Variants in HERC1 observed in about 807,000 individuals in gnomAD.
The protein encoded by HERC1 is HECT and RLD domain containing E3 ubiquitin protein ligase family member 1.
In HERC1, 160 loss-of-function variants were observed where a neutral mutation model predicts 554.3. The observed-to-expected ratio is 0.29, with a 90% CI of 0.25 to 0.33. The LOEUF is 0.33. Among genes scored for constraint, HERC1 ranks in the 10% least tolerant of loss-of-function variants. HERC1 has a pLI of 1.00. For synonymous variants in HERC1, 2,175 were observed against 2,131.7 expected (o/e 1.02, Z -0.56); for missense variants, 4,919 against 5,918.5 (o/e 0.83, Z 5.54).
At chr15:63,751,666 C>T (rs1235865260) in intron 8 of HERC1, among the ~76,000 whole-genome samples, 2 of 152,068 alleles carry the variant, frequency 1.3e-5, no homozygotes, top group Non-Finnish European at 2.9e-5. Context: ...TTATTTCATG[C>T]TCAAGTTTAA....
At chr15:63,658,225 C>T (rs1049871169) in intron 48 of HERC1, among the ~76,000 whole-genome samples, 2 of 152,156 alleles carry the variant, frequency 1.3e-5, no homozygotes, top group South Asian at 2.1e-4. Flanking sequence ...GCTACACAGA[C>T]GGTCAATACA....
intron 25 of HERC1, 142 bp from the exon 26 acceptor site, chr15:63,699,138 A>C: frequency 1.5e-6 from 1 of 681,364 alleles, no homozygotes; most frequent in South Asian, 2.4e-5. Flanking sequence ...GCATTAAGTG[A>C]ATCTGAGCAA....
intron 1 of HERC1, among the ~76,000 whole-genome samples, chr15:63,832,620 C>T (rs1475728867): frequency 6.6e-6 from 1 of 152,116 alleles, no homozygotes; most frequent in Non-Finnish European, 1.5e-5. Context: ...TAGACCCAAA[C>T]AGACAATGTT....
chr15:63,818,527 C>A (rs1396446242), intron 1 of HERC1, among the ~76,000 whole-genome samples: 2 of 152,144 alleles, frequency 1.3e-5, no homozygotes, highest in Non-Finnish European at 2.9e-5. Flanking sequence ...AAAATATTCA[C>A]CAATTTCTTA....
In HERC1 at chr15:63,702,843, C is replaced by T. The variant is rs534249576; in HGVS notation, c.4637-3847G>A. On this transcript the variant is annotated intron_variant, in intron 25 of 77. Transcript: ENST00000443617. ...TTAGCTGGCCGGGCATGGTGGCTCA[C>T]GCCTGTAATCCCAGTACTTTGGGAG... Among the ~76,000 whole-genome samples the T allele has an allele frequency of 9.9e-5, 15 of 152,230 alleles. No homozygotes were observed. In the East Asian group the frequency reaches 1.9e-3, roughly 20 times the overall value.
In HERC1 at chr15:63,674,482, T is replaced by C. The variant is rs766415080; in HGVS notation, c.7706A>G (p.His2569Arg). The change falls in exon 38 of 78, where the codon CAC becomes CGC. Residue 2569 changes from histidine to arginine, a missense_variant. This residue lies in a region of HERC1 where 1,963 missense variants were observed against 2,228.6 expected (regional missense o/e 0.88). Transcript: ENST00000443617. ...MRAALQFLMR[H>R]MVKRAVMRSP... ...CCGCATGACTGCTCGCTTCACCATGTGTCGCATCAAGAACTGCAGGGCTGC... is the reference window on the plus strand; with the variant it reads ...CCGCATGACTGCTCGCTTCACCATGCGTCGCATCAAGAACTGCAGGGCTGC... 12 of 1,613,926 alleles carry C rather than the reference T, an allele frequency of 7.4e-6. No homozygotes were observed. The South Asian group carries it at 1.3e-4, about 18-fold the overall frequency.
intron 50 of HERC1, among the ~76,000 whole-genome samples, chr15:63,655,207 A>G: frequency 6.6e-6 from 1 of 152,038 alleles, no homozygotes; most frequent in East Asian, 1.9e-4. Flanking sequence ...TAGAAAAATT[A>G]GCCGGGCATG....
At chr15:63,719,871 G>A (rs1462169914) in intron 19 of HERC1, among the ~76,000 whole-genome samples, 1 of 152,094 alleles carries the variant, frequency 6.6e-6, no homozygotes, top group Non-Finnish European at 1.5e-5. Context: ...CTGGAATCAG[G>A]AGTCTAGTTT....
chr15:63,662,054 T>G lies in HERC1; in HGVS notation c.8902-33A>C, dbSNP rs748493004. 2.5e-6 allele frequency: 4 copies of G among 1,592,036 alleles called. No individual in the cohort carries two copies. In the Admixed American group the frequency reaches 6.8e-5, roughly 27 times the overall value. On this transcript the variant is annotated intron_variant, in intron 44 of 77. Transcript: ENST00000443617. ...AAAGGATTTCATACCAAATGATTAGTCAATTTAACATAAAACCAAGAAGTA... is the reference window on the plus strand; with the variant it reads ...AAAGGATTTCATACCAAATGATTAGGCAATTTAACATAAAACCAAGAAGTA...
chr15:63,774,482 C>T (rs1316294089), intron 2 of HERC1, among the ~76,000 whole-genome samples: 1 of 152,098 alleles, frequency 6.6e-6, no homozygotes, highest in African/African-American at 2.4e-5. Flanking sequence ...AACTATAAAC[C>T]TGACTTCTGA....
rs147588494 is a variant in HERC1, at chr15:63,694,467, G to A, written c.5325C>T (p.Ser1775=). The A allele has an allele frequency of 5.2e-4, 841 of 1,613,950 alleles. 1 individual carries two copies. The highest frequency in any genetic ancestry group is 6.7e-4 in the Non-Finnish European group (794 of 1,179,874). ...YQPVDVSLAI[S]TGLLNVLSQL... is the part of the protein sequence containing the mutation. The stretch of plus-strand genomic sequence containing the variant: ...GTGACAATACGTTTAGCAGACCAGT[G>A]GAAATTGCCAAAGAAACATCTACTG... The change falls in exon 29 of 78, where the codon TCC becomes TCT. Residue 1775 remains serine (S), a synonymous_variant. Coordinates refer to ENST00000443617, the MANE Select transcript of HERC1 (RefSeq NM_003922.4). This position sits in a 1 kb window ranked among gnomAD's most constrained non-coding sequence, Gnocchi z 4.3.
At chr15:63,725,539 T>C (rs897879362) in intron 17 of HERC1, 26 bp from the exon 18 acceptor site, 2 of 1,562,322 alleles carry the variant, frequency 1.3e-6, no homozygotes, top group Non-Finnish European at 1.8e-6. Context: ...TTAGTTATTG[T>C]GTCTTTATCT....
intron 25 of HERC1, among the ~76,000 whole-genome samples, chr15:63,699,668 A>C (rs1228482310): frequency 6.6e-6 from 1 of 152,246 alleles, no homozygotes; most frequent in East Asian, 1.9e-4. Context: ...ATTTACTGTA[A>C]AATGATACCT....
chr15:63,771,376 A>C (rs1441443911), intron 2 of HERC1, among the ~76,000 whole-genome samples: 1 of 152,110 alleles, frequency 6.6e-6, no homozygotes, highest in African/African-American at 2.4e-5. Context: ...TTGAGACCTA[A>C]ATTAAGTCAA....
In HERC1 at chr15:63,728,941, A is replaced by T. The variant is rs884495; in HGVS notation, c.3154+295T>A. On this transcript the variant is annotated intron_variant, in intron 16 of 77. Coordinates refer to ENST00000443617, the MANE Select transcript of HERC1 (RefSeq NM_003922.4). ...AAAGGTAAAGAAAGAGCAGGTTTTA[A>T]AAAAAAAAAAAAAGAGCAGATTAAA... Among the ~76,000 whole-genome samples, 800 of 138,922 alleles carry T rather than the reference A, an allele frequency of 5.8e-3. 3 individuals are homozygous for T. The highest frequency in any genetic ancestry group is 0.012 in the Middle Eastern group (3 of 254). The allele number at this position is 138,922 out of a possible 152,430, so 91.1% of individuals were successfully genotyped here.
rs749184119 is a variant in HERC1, at chr15:63,748,932, C to T, written c.2219+435G>A. On this transcript the variant is annotated intron_variant, in intron 10 of 77. Transcript: ENST00000443617. Reference sequence around the variant, plus strand: ...CTAAGTTTCTGCAAAAATTAACCTCCTTGATTTAAAGTATGACAATTTTTT... The same window carrying T: ...CTAAGTTTCTGCAAAAATTAACCTCTTTGATTTAAAGTATGACAATTTTTT... 2.7e-5 allele frequency among the ~76,000 whole-genome samples: 4 copies of T among 147,918 alleles called. No individual in the cohort carries two copies. In the South Asian group the frequency reaches 6.4e-4, roughly 24 times the overall value.
At chr15:63,708,753 T>A (rs866942354) in intron 24 of HERC1, among the ~76,000 whole-genome samples, 3 of 152,354 alleles carry the variant, frequency 2.0e-5, no homozygotes, top group African/African-American at 4.8e-5. Flanking sequence ...ATCAAAGATA[T>A]GAACGGTAAT....
At chr15:63,665,235 T>C (rs1286895977) in intron 42 of HERC1, among the ~76,000 whole-genome samples, 1 of 152,078 alleles carries the variant, frequency 6.6e-6, no homozygotes, top group Admixed American at 6.5e-5. Context: ...CAGAGAAGAC[T>C]TAAAAGTTCA....
Position 63,718,585 on chromosome 15 carries a change from GTGA to G in HERC1, c.3964_3966del (p.Ser1322del), listed in dbSNP as rs1567048124. ...ATTTCAAACTTTACCCATCTGTCCC[GTGA>G]TGATGACCTTGTTTGAATAAGTTCA... On this transcript the variant is annotated inframe_deletion, in exon 21 of 78. Transcript: ENST00000443617. This position sits in a 1 kb window ranked among gnomAD's most constrained non-coding sequence, Gnocchi z 4.2. 5.7e-6 allele frequency: 9 copies of G among 1,579,672 alleles called. No homozygotes were observed. The highest frequency in any genetic ancestry group is 7.8e-6 in the Non-Finnish European group (9 of 1,160,280).
Sources: allele counts gnomAD v4.1 joint callset (sites outside exome capture counted in the v4.1 genomes callset), GRCh38; gene constraint gnomAD v4.1.1; regional missense constraint gnomAD v4.1.1; non-coding constraint Gnocchi (gnomAD v3.1); transcripts MANE v1.5; gene names NCBI Gene and HGNC (gene_info 2026-07-23, HGNC 2026-07-21).